The following PLEKHH2 variants were observed in gnomAD, a reference collection of about 807,000 sequenced individuals.
The protein encoded by PLEKHH2 is pleckstrin homology domain-containing family H member 2.
Under a neutral mutation model 187.9 loss-of-function variants are expected in PLEKHH2, and 129 were observed. That is an observed-to-expected ratio of 0.69 (90% CI 0.59 to 0.79). The LOEUF (loss-of-function observed/expected upper bound fraction) is 0.79. Among genes scored for constraint, PLEKHH2 ranks in the 30% least tolerant of loss-of-function variants. The pLI, the probability that PLEKHH2 is intolerant of heterozygous loss-of-function variation, is 0.00. For missense variants in PLEKHH2, 2,076 were observed against 1,751.2 expected, an observed-to-expected ratio of 1.19 and a Z score of -3.31; for synonymous variants, 686 against 605.6, an observed-to-expected ratio of 1.13 and a Z score of -1.95.
At chr2:43,677,343 C>T (rs1667866568) in intron 2 of PLEKHH2, among the ~76,000 whole-genome samples, 2 of 152,090 alleles carry the variant, frequency 1.3e-5, no homozygotes, top group Admixed American at 6.5e-5. Flanking sequence ...GAGGACCCTT[C>T]GGCCCTCTGC....
intron 3 of PLEKHH2, among the ~76,000 whole-genome samples, chr2:43,687,261 C>T (rs1668568548): frequency 6.6e-6 from 1 of 152,150 alleles, no homozygotes. Flanking sequence ...TTTTCAGTTC[C>T]TGCATTAATT....
At chr2:43,652,163 T>A (rs1052336243) in intron 2 of PLEKHH2, among the ~76,000 whole-genome samples, 6 of 152,208 alleles carry the variant, frequency 3.9e-5, no homozygotes, top group African/African-American at 1.4e-4. Context: ...TGTAAGAGAA[T>A]AACTTTTCAA....
At chr2:43,749,464 G>A (rs1468755866) in intron 24 of PLEKHH2, among the ~76,000 whole-genome samples, 1 of 152,180 alleles carries the variant, frequency 6.6e-6, no homozygotes, top group African/African-American at 2.4e-5. Flanking sequence ...AGGACCTCCT[G>A]AGGGCTGTGT....
At chr2:43,739,156 A>G (rs1394780355) in intron 20 of PLEKHH2, among the ~76,000 whole-genome samples, 2 of 152,160 alleles carry the variant, frequency 1.3e-5, no homozygotes, top group Non-Finnish European at 2.9e-5. Context: ...CTCCCAAAGT[A>G]CTGGGATTAC....
chr2:43,727,345 G>C (rs1182046791), intron 17 of PLEKHH2, among the ~76,000 whole-genome samples: 1 of 148,022 alleles, frequency 6.8e-6, no homozygotes, highest in Non-Finnish European at 1.5e-5. Context: ...CCAGGAGGTA[G>C]AGGTTGCAGT....
At position 43,753,616 on chromosome 2, in the gene PLEKHH2, C is replaced by T. The variant is rs761586734; in HGVS notation, c.3654-3C>T. On this transcript the variant is annotated splice_polypyrimidine_tract_variant and splice_region_variant and intron_variant, in intron 24 of 29. Coordinates refer to ENST00000282406, the MANE Select transcript of PLEKHH2 (RefSeq NM_172069.4). The stretch of plus-strand genomic sequence containing the variant: ...ATGAGAAATTTACTCTTTTTTTTTA[C>T]AGACTATATTTCTCAGTGCAAGCTC... 7.0e-6 allele frequency: 10 copies of T among 1,431,748 alleles called. No homozygotes were observed. The highest frequency in any genetic ancestry group is 8.3e-6 in the Non-Finnish European group (9 of 1,084,656). The allele number at this position is 1,431,748 out of a possible 1,614,324, so 88.7% of individuals were successfully genotyped here. A position where few individuals can be genotyped will look rare whatever the true frequency, so the allele number is the denominator to read the frequency against.
chr2:43,643,650 G>A (rs964233216), intron 1 of PLEKHH2, among the ~76,000 whole-genome samples: 27 of 152,184 alleles, frequency 1.8e-4, no homozygotes, highest in South Asian at 1.0e-3. Context: ...CCAGGGCTCT[G>A]AGAGTTTTGC....
At chr2:43,714,219 T>C (rs1294202661) in intron 15 of PLEKHH2, among the ~76,000 whole-genome samples, 2 of 152,242 alleles carry the variant, frequency 1.3e-5, no homozygotes, top group Non-Finnish European at 2.9e-5. Context: ...TTTTGTTTGC[T>C]TGCTTGTTTT....
At chr2:43,692,423 A>G (rs1668844504) in intron 3 of PLEKHH2, 91 bp from the exon 4 acceptor site, 1 of 1,026,622 alleles carries the variant, frequency 9.7e-7, no homozygotes. Flanking sequence ...GTCTTTTAGG[A>G]ATCTACATAA....
chr2:43,721,508 G>A (rs1390585648), intron 16 of PLEKHH2, among the ~76,000 whole-genome samples: 4 of 152,106 alleles, frequency 2.6e-5, no homozygotes, highest in Non-Finnish European at 5.9e-5. Flanking sequence ...ACACTCTCAG[G>A]TCTGACCAGC....
chr2:43,757,450 C>T (rs1006293715), intron 26 of PLEKHH2, among the ~76,000 whole-genome samples, 186 bp downstream of exon 26: 3 of 141,662 alleles, frequency 2.1e-5, no homozygotes, highest in South Asian at 2.2e-4. Flanking sequence ...GACGGAGTCT[C>T]GCTCTGTCGC....
chr2:43,681,596 T>G, intron 3 of PLEKHH2: 1 of 795,098 alleles, frequency 1.3e-6, no homozygotes. Context: ...TAGTGCCTCT[T>G]TTTGGAGCTG....
chr2:43,653,750 A>G (rs533061478), intron 2 of PLEKHH2, among the ~76,000 whole-genome samples: 2 of 152,332 alleles, frequency 1.3e-5, no homozygotes, highest in Admixed American at 6.5e-5. Flanking sequence ...TTGAGAGACA[A>G]TTTACACAGT....
At chr2:43,719,620 A>G (rs1182123149) in intron 15 of PLEKHH2, among the ~76,000 whole-genome samples, 1 of 152,146 alleles carries the variant, frequency 6.6e-6, no homozygotes, top group African/African-American at 2.4e-5. Context: ...TTGTATTTTT[A>G]GTAGAGACAA....
chr2:43,704,662 TAAAAAA>T (rs70965318), intron 9 of PLEKHH2, among the ~76,000 whole-genome samples: 4,363 of 84,328 alleles, frequency 0.052, 295 homozygotes, highest in African/African-American at 0.19. Context: ...GATTCTGTCT[TAAAAAA>T]AAAAAAAAAA....
At chr2:43,720,192 G>A in intron 15 of PLEKHH2, among the ~76,000 whole-genome samples, 1 of 152,070 alleles carries the variant, frequency 6.6e-6, no homozygotes, top group East Asian at 1.9e-4. Context: ...CCTAGGCATA[G>A]TGTTTGATGC....
intron 2 of PLEKHH2, among the ~76,000 whole-genome samples, chr2:43,671,346 G>A (rs1409596790): frequency 1.3e-5 from 2 of 152,048 alleles, no homozygotes; most frequent in African/African-American, 4.8e-5. Context: ...GTATCCTATG[G>A]CCTTAATAAA....
At chr2:43,655,243 A>G (rs1558425466) in intron 2 of PLEKHH2, among the ~76,000 whole-genome samples, 2 of 151,966 alleles carry the variant, frequency 1.3e-5, no homozygotes, top group Non-Finnish European at 2.9e-5. Context: ...ACAGAATAGA[A>G]CTTGAAACTG....
chr2:43,754,963 C>T, intron 25 of PLEKHH2, among the ~76,000 whole-genome samples: 1 of 151,204 alleles, frequency 6.6e-6, no homozygotes, highest in East Asian at 1.9e-4. Context: ...ACCCCCACCT[C>T]CCGGGTTCAA....
Sources: allele counts gnomAD v4.1 joint callset (sites outside exome capture counted in the v4.1 genomes callset), GRCh38; gene constraint gnomAD v4.1.1; transcripts MANE v1.5; gene names NCBI Gene and HGNC (gene_info 2026-07-23, HGNC 2026-07-21).